ZNF701: variants seen among roughly 807,000 people sequenced by gnomAD.
ZNF701 encodes the protein zinc finger protein 701.
Under a neutral mutation model 7.1 loss-of-function variants are expected in ZNF701, and 6 were observed. That is an observed-to-expected ratio of 0.84 (90% CI 0.46 to 1.66). The LOEUF (loss-of-function observed/expected upper bound fraction) is 1.66, where lower values mean the gene tolerates loss of function less well. Among genes scored for constraint, ZNF701 ranks in the 40% most tolerant of loss-of-function variants. The pLI is 0.01. For missense variants in ZNF701, 541 were observed against 559.2 expected (o/e 0.97, Z 0.33); for synonymous variants, 166 against 188.2 (o/e 0.88, Z 0.97).
chr19:52,575,727 A>G, intron 2 of ZNF701, 168 bp from the exon 3 acceptor site: 2 of 498,828 alleles, frequency 4.0e-6, no homozygotes, highest in Non-Finnish European at 3.5e-6. Context: ...TTCAGAAAGT[A>G]TAATCAAACA....
chr19:52,593,646 C>T, the ZNF701 span, among the ~76,000 whole-genome samples: 24 of 104,574 alleles, frequency 2.3e-4, 7 homozygotes, highest in Non-Finnish European at 3.8e-4. Context: ...TCAGACGGGG[C>T]GGCTGCCGGG....
At position 52,583,508 on chromosome 19, in the gene ZNF701, C is replaced by T; in HGVS notation, c.*51C>T. On this transcript the variant is annotated 3_prime_UTR_variant, in exon 4 of 4. Coordinates refer to ENST00000391785, the MANE Select transcript of ZNF701 (RefSeq NM_018260.3). ...GCAACAGTCAAACCTTGCATGTCAT[C>T]ATAGACTTTATACTGGAGAGAAACC... 1 of 1,606,534 alleles carries T rather than the reference C, an allele frequency of 6.2e-7. No individual in the cohort carries two copies. The highest frequency in any genetic ancestry group is 2.2e-5 in the East Asian group (1 of 44,816).
Position 52,583,261 on chromosome 19 carries a change from A to C in ZNF701, c.1202A>C (p.Lys401Thr), listed in dbSNP as rs373859239. The change falls in exon 4 of 4, where the codon AAG (lysine) becomes ACG (threonine). Residue 401 changes from lysine to threonine, a missense_variant. Coordinates refer to ENST00000391785, the MANE Select transcript of ZNF701 (RefSeq NM_018260.3). ...FVQNSSLVMH[K>T]VIHTGEKRYK... Reference sequence around the variant, plus strand: ...CAAAATTCATCTCTTGTAATGCATAAGGTCATTCATACTGGAGAGAAACGT... The same window carrying C: ...CAAAATTCATCTCTTGTAATGCATACGGTCATTCATACTGGAGAGAAACGT... 6.2e-7 allele frequency: 1 copy of C among 1,610,126 alleles called. No homozygotes were observed. Among genetic ancestry groups the C allele is most frequent in the Non-Finnish European group, 8.5e-7 (1 of 1,177,046 alleles).
At chr19:52,589,492 C>T (rs4439874), downstream of ZNF701, among the ~76,000 whole-genome samples, 62,929 of 133,802 alleles carry the variant, frequency 0.47, 13,677 homozygotes, top group Middle Eastern at 0.52. Flanking sequence ...TTTTTTTTTT[C>T]TTTTAAGACG....
At chr19:52,591,387 G>C (rs1379076153), downstream of ZNF701, among the ~76,000 whole-genome samples, 1 of 151,856 alleles carries the variant, frequency 6.6e-6, no homozygotes, top group Non-Finnish European at 1.5e-5. Context: ...CACCATGTTG[G>C]CCAGGTTGTT....
chr19:52,577,795 G>C (rs1030004401), intron 3 of ZNF701, among the ~76,000 whole-genome samples: 2 of 152,090 alleles, frequency 1.3e-5, no homozygotes, highest in Admixed American at 6.5e-5. Flanking sequence ...TAGTATCCAG[G>C]CCTGCCCGCA....
At chr19:52,581,313 G>T (rs62117244) in intron 3 of ZNF701, among the ~76,000 whole-genome samples, 1 of 151,956 alleles carries the variant, frequency 6.6e-6, no homozygotes, top group African/African-American at 2.4e-5. Flanking sequence ...TTGGCCTCGC[G>T]GGTTCAAGCA....
chr19:52,590,836 A>C (rs1234930606), downstream of ZNF701, among the ~76,000 whole-genome samples: 1 of 152,048 alleles, frequency 6.6e-6, no homozygotes, highest in Non-Finnish European at 1.5e-5. Flanking sequence ...GGAGAAGCCT[A>C]TGATTTTTTG....
chr19:52,575,260 T>C (rs903623142), intron 2 of ZNF701, among the ~76,000 whole-genome samples: 1 of 152,152 alleles, frequency 6.6e-6, no homozygotes, highest in Non-Finnish European at 1.5e-5. Context: ...TGAGCCACTG[T>C]GCCTGGCCTA....
Position 52,583,499 on chromosome 19 carries a change from G to A in ZNF701, c.*42G>A. ...GGTTTTTAGGCAACAGTCAAACCTTGCATGTCATCATAGACTTTATACTGG... is the reference window on the plus strand; with the variant it reads ...GGTTTTTAGGCAACAGTCAAACCTTACATGTCATCATAGACTTTATACTGG... On this transcript the variant is annotated 3_prime_UTR_variant, in exon 4 of 4. Transcript: ENST00000391785. The A allele has an allele frequency of 3.1e-6, 5 of 1,608,004 alleles. No individual in the cohort carries two copies. The highest frequency in any genetic ancestry group is 3.4e-6 in the Non-Finnish European group (4 of 1,176,342).
In ZNF701 at chr19:52,582,719, TG is replaced by T. The variant is rs2059983761; in HGVS notation, c.662del (p.Gly221AlafsTer10). On this transcript the variant is annotated frameshift_variant, in exon 4 of 4. Coordinates refer to ENST00000391785, the MANE Select transcript of ZNF701 (RefSeq NM_018260.3). LOFTEE classifies it low-confidence loss of function (END_TRUNC). ...AAAAATCTTTCCAACGTAATGAGAG[TG>T]GCAAAGCCTTTAATGGTAGCTCACT... is the stretch of plus-strand genomic sequence containing the variant. ...REKSFQRNES[G>X]KAFNGSSLLK... 1.2e-6 allele frequency: 2 copies of T among 1,614,006 alleles called. No homozygotes were observed. The highest frequency in any genetic ancestry group is 1.7e-6 in the Non-Finnish European group (2 of 1,180,020).
intron 1 of ZNF701, among the ~76,000 whole-genome samples, chr19:52,571,103 G>GA (rs35595336): frequency 0.56 from 82,349 of 147,626 alleles, 23,102 homozygotes; most frequent in Non-Finnish European, 0.59. Context: ...CAGCAAAAGT[G>GA]AAAAAAAAAA....
rs981089603 is a variant in ZNF701 at position 52,586,613 on chromosome 19, A to G, written c.*3156A>G. 1.3e-5 allele frequency: 2 copies of G among 152,158 alleles called. No individual in the cohort carries two copies. The highest frequency in any genetic ancestry group is 4.8e-5 in the African/African-American group (2 of 41,448). The allele number at this position is 152,158 out of a possible 1,614,324, so 9.4% of individuals were successfully genotyped here. A position where few individuals can be genotyped will look rare whatever the true frequency, so the allele number is the denominator to read the frequency against. On this transcript the variant is annotated 3_prime_UTR_variant, in exon 4 of 4. Transcript: ENST00000391785. ...AGCCTGTTGACCCTTCCTGGCCATC[A>G]CATGAAAATCAGCGACTCTTCCTTC...
downstream of ZNF701, among the ~76,000 whole-genome samples, chr19:52,589,302 G>T (rs962597084): frequency 6.6e-6 from 1 of 152,128 alleles, no homozygotes; most frequent in Non-Finnish European, 1.5e-5. Flanking sequence ...AGTCTGAGTA[G>T]ATGTCATTAA....
At chr19:52,588,777 T>C (rs2060025442), downstream of ZNF701, among the ~76,000 whole-genome samples, 1 of 152,120 alleles carries the variant, frequency 6.6e-6, no homozygotes, top group Non-Finnish European at 1.5e-5. Context: ...TCCATCTGCC[T>C]CTATTGCCCA....
chr19:52,588,007 G>A (rs80180333), downstream of ZNF701, among the ~76,000 whole-genome samples: 17,455 of 152,216 alleles, frequency 0.11, 1,321 homozygotes, highest in Non-Finnish European at 0.16. Flanking sequence ...CATCGTGTGC[G>A]TGGACTTTTC....
chr19:52,593,355 G>A, the ZNF701 span, among the ~76,000 whole-genome samples: 1 of 116,266 alleles, frequency 8.6e-6, no homozygotes, highest in Non-Finnish European at 1.9e-5. Context: ...AGTAGGCGCG[G>A]CCGGGCAGAG....
At position 52,583,432 on chromosome 19, in the gene ZNF701, G is replaced by A; in HGVS notation, c.1373G>A (p.Arg458Lys). ...AAATCAAACCTTGAACGTCATCATA[G>A]ACTTCATACTGGAAAGAAATCTTAG... ...NRKSNLERHH[R>K]LHTGKKS The change falls in exon 4 of 4, where the codon AGA becomes AAA. Residue 458 changes from arginine to lysine, a missense_variant. Transcript: ENST00000391785. 1 of 1,613,170 alleles carries A rather than the reference G, an allele frequency of 6.2e-7. No individual in the cohort carries two copies. Among genetic ancestry groups the A allele is most frequent in the East Asian group, 2.2e-5 (1 of 44,844 alleles).
downstream of ZNF701, among the ~76,000 whole-genome samples, chr19:52,591,446 G>A (rs1011185188): frequency 6.6e-6 from 1 of 152,132 alleles, no homozygotes; most frequent in African/African-American, 2.4e-5. Flanking sequence ...TTCCCAAAGT[G>A]ATGGGATTAC....
Sources: allele counts gnomAD v4.1 joint callset (sites outside exome capture counted in the v4.1 genomes callset), GRCh38; gene constraint gnomAD v4.1.1; transcripts MANE v1.5; gene names NCBI Gene and HGNC (gene_info 2026-07-23, HGNC 2026-07-21).